Variants in EHMT2 observed in about 807,000 individuals in gnomAD.
EHMT2 encodes the protein euchromatic histone lysine methyltransferase 2.
EHMT2 carries 59 observed loss-of-function variants against 143.3 expected under a neutral mutation model. That is an observed-to-expected ratio of 0.41 (90% CI 0.33 to 0.51). The LOEUF (loss-of-function observed/expected upper bound fraction) is 0.51. EHMT2 is among the 20% of genes least tolerant of loss of function. The pLI is 0.18. For synonymous variants in EHMT2, 604 were observed against 651.5 expected, an observed-to-expected ratio of 0.93 and a Z score of 1.11; for missense variants, 1,174 against 1,645.9, an observed-to-expected ratio of 0.71 and a Z score of 4.96.
At chr6:31,891,208 G>C (rs566716727) in intron 7 of EHMT2, among the ~76,000 whole-genome samples, 3 of 152,304 alleles carry the variant, frequency 2.0e-5, no homozygotes, top group African/African-American at 7.2e-5. Context: ...GCCTCCCAAA[G>C]TATTGGGATT....
rs1184290277 is a variant in EHMT2, at chr6:31,888,594, C to T, written c.1365+5G>A. The T allele has an allele frequency of 1.9e-6, 3 of 1,612,130 alleles. No individual in the cohort carries two copies. The highest frequency in any genetic ancestry group is 3.3e-5 in the Admixed American group (2 of 59,982). On this transcript the variant is annotated splice_donor_5th_base_variant and intron_variant, in intron 11 of 27. Transcript: ENST00000375537. The surrounding 1 kb of genome is among the most constrained non-coding windows in gnomAD (Gnocchi z 7.4). ...GGCACCTCTCCCACCAGCCCACGGCCCCACCTCTCCGTCCACACTCTCAGT... is the reference window on the plus strand; with the variant it reads ...GGCACCTCTCCCACCAGCCCACGGCTCCACCTCTCCGTCCACACTCTCAGT...
Position 31,883,232 on chromosome 6 carries a change from C to A in EHMT2, c.2994+130G>T. ...CACATCCCAGGATTCCCAGGCCTTG[C>A]CCAGTCCTCTCAGTCACTTCCCCCA... On this transcript the variant is annotated intron_variant, in intron 23 of 27. Transcript: ENST00000375537. The surrounding 1 kb of genome is among the most constrained non-coding windows in gnomAD (Gnocchi z 5.6). The A allele has an allele frequency of 9.5e-7, 1 of 1,049,086 alleles. No individual in the cohort carries two copies. 65.0% of individuals were successfully genotyped at this position (1,049,086 alleles called of 1,614,324 possible).
rs764465087 is a variant in EHMT2 at position 31,888,488 on chromosome 6, C to T, written c.1384G>A (p.Ala462Thr). Reference sequence around the variant, plus strand: ...CTCATGGTCTCCCGCTTGAGGATGGCGGCATTGCAGCCTGACAGCTGTGCG... The same window carrying T: ...CTCATGGTCTCCCGCTTGAGGATGGTGGCATTGCAGCCTGACAGCTGTGCG... Residue 462 changes from alanine (A) to threonine (T), a missense_variant, in exon 12 of 28, where the codon GCC becomes ACC. Ala to Thr is a moderately conservative substitution (Grantham distance 58, BLOSUM62 0). This residue lies in a region of EHMT2 where 608 missense variants were observed against 903.7 expected (regional missense o/e 0.67). Transcript: ENST00000375537. This position sits in a 1 kb window ranked among gnomAD's most constrained non-coding sequence, Gnocchi z 7.4. The T allele has an allele frequency of 3.7e-6, 6 of 1,612,292 alleles. No homozygotes were observed. The highest frequency in any genetic ancestry group is 2.7e-5 in the African/African-American group (2 of 74,892).
In EHMT2 at chr6:31,884,590, G is replaced by T. The variant is rs1764568617; in HGVS notation, c.2604-31C>A. The stretch of plus-strand genomic sequence containing the variant: ...GAGGGGACAGGATGCCCAATGCAGG[G>T]TCTGAGGCTGCAAGAAGTGGGGGCA... On this transcript the variant is annotated intron_variant, in intron 20 of 27. Transcript: ENST00000375537. The surrounding 1 kb of genome is among the most constrained non-coding windows in gnomAD (Gnocchi z 7.3). 6.2e-7 allele frequency: 1 copy of T among 1,609,088 alleles called. No homozygotes were observed.
In EHMT2 at chr6:31,883,334, G is replaced by A. The variant is rs767506334; in HGVS notation, c.2994+28C>T. 7 of 1,610,072 alleles carry A rather than the reference G, an allele frequency of 4.3e-6. No individual in the cohort carries two copies. In the South Asian group the frequency reaches 7.7e-5, roughly 18 times the overall value. On this transcript the variant is annotated intron_variant, in intron 23 of 27. Transcript: ENST00000375537. The surrounding 1 kb of genome is among the most constrained non-coding windows in gnomAD (Gnocchi z 5.6). ...GGCTCCTCTGAAGGAGGGGCCGGGT[G>A]TCTGTGGCCAAGGCAAGGGGCACGC... is the stretch of plus-strand genomic sequence containing the variant.
Position 31,889,721 on chromosome 6 carries a change from G to A in EHMT2, c.865-119C>T. On this transcript the variant is annotated intron_variant, in intron 7 of 27. Coordinates refer to ENST00000375537, the Ensembl canonical transcript of EHMT2. This position sits in a 1 kb window ranked among gnomAD's most constrained non-coding sequence, Gnocchi z 5.1. The stretch of plus-strand genomic sequence containing the variant: ...ACCCACGGATGGCTGCTGGGGATAA[G>A]TGTGGGTAGCAGAGGAGACAAAGGG... The A allele has an allele frequency of 3.8e-6, 5 of 1,306,794 alleles. No homozygotes were observed. Among genetic ancestry groups the A allele is most frequent in the Non-Finnish European group, 5.4e-6 (5 of 925,916 alleles). The allele number at this position is 1,306,794 out of a possible 1,614,324, so 80.9% of individuals were successfully genotyped here.
At chr6:31,893,740 A>C (rs574974254) in intron 4 of EHMT2, 14 of 255,358 alleles carry the variant, frequency 5.5e-5, no homozygotes, top group Non-Finnish European at 1.0e-4. Flanking sequence ...AAGTGAAATA[A>C]GCCAGTCACA....
chr6:31,892,798 G>A, intron 5 of EHMT2, 28 bp downstream of exon 5: 1 of 1,612,056 alleles, frequency 6.2e-7, no homozygotes, highest in Non-Finnish European at 8.5e-7. Flanking sequence ...ACCACATCAA[G>A]CCACCGGGGG....
At chr6:31,897,571 G>C in intron 1 of EHMT2, 65 bp downstream of exon 1, 1 of 1,102,314 alleles carries the variant, frequency 9.1e-7, no homozygotes, top group Non-Finnish European at 1.1e-6. Flanking sequence ...AGCATTGCAC[G>C]GGCGCGCGCT....
At chr6:31,892,496 G>A in exon 7 of EHMT2, 4 of 1,613,044 alleles carry the variant, frequency 2.5e-6, no homozygotes, top group Non-Finnish European at 3.4e-6. Flanking sequence ...CACTCCTCCA[G>A]GGACCCGGGG....
At chr6:31,896,979 G>A in exon 2 of EHMT2, 6 of 1,577,990 alleles carry the variant, frequency 3.8e-6, no homozygotes, top group Non-Finnish European at 4.3e-6. Flanking sequence ...CATCTCAGCG[G>A]GGGCCTCCCC....
intron 5 of EHMT2, 33 bp downstream of exon 5, chr6:31,892,793 A>T: frequency 6.2e-7 from 1 of 1,611,458 alleles, no homozygotes; most frequent in South Asian, 1.1e-5. Context: ...AACAGACCAC[A>T]TCAAGCCACC....
chr6:31,884,355 AGGT>A lies in EHMT2; in HGVS notation c.2771+34_2771+36del. 6.3e-7 allele frequency: 1 copy of A among 1,583,742 alleles called. No individual in the cohort carries two copies. Among genetic ancestry groups the A allele is most frequent in the East Asian group, 2.3e-5 (1 of 44,416 alleles). On this transcript the variant is annotated intron_variant, in intron 21 of 27. Transcript: ENST00000375537. The surrounding 1 kb of genome is among the most constrained non-coding windows in gnomAD (Gnocchi z 7.3). ...CCTGGGGAGGGTATGGGTGGGGAGG[AGGT>A]GGTCTTGGGTGCAGAGAGGGGCCCA...
At chr6:31,891,968 G>A (rs904378819) in intron 7 of EHMT2, among the ~76,000 whole-genome samples, 24 of 152,222 alleles carry the variant, frequency 1.6e-4, no homozygotes, top group African/African-American at 5.3e-4. Flanking sequence ...ACAGCTGGGC[G>A]CGGTGGCTCA....
In EHMT2 at chr6:31,896,673, TGGTGTAGCCCCTACAGG is replaced by T; in HGVS notation, c.244_260del (p.Pro82ThrfsTer5). 1 of 1,604,858 alleles carries T rather than the reference TGGTGTAGCCCCTACAGG, an allele frequency of 6.2e-7. No homozygotes were observed. The highest frequency in any genetic ancestry group is 8.5e-7 in the Non-Finnish European group (1 of 1,176,342). ...GATTCTCAGATTCATCCCCAATGAG[TGGTGTAGCCCCTACAGG>T]GGTGTCAGCCCCCTCATCACCAACA... On this transcript the variant is annotated frameshift_variant, in exon 3 of 28. Transcript: ENST00000375537. LOFTEE classifies it high-confidence loss of function.
At chr6:31,894,250 G>A (rs1450161541) in intron 4 of EHMT2, among the ~76,000 whole-genome samples, 2 of 151,904 alleles carry the variant, frequency 1.3e-5, no homozygotes, top group African/African-American at 4.8e-5. Context: ...GGATTCAAGC[G>A]ATTCTCCTGC....
chr6:31,893,329 C>T, intron 4 of EHMT2: 1 of 441,850 alleles, frequency 2.3e-6, no homozygotes, highest in Non-Finnish European at 4.5e-6. Flanking sequence ...GAAAGATATA[C>T]TTTTTTTAAG....
chr6:31,892,772 G>A (rs369810973), intron 5 of EHMT2, 38 bp from the exon 6 acceptor site: 29 of 1,612,876 alleles, frequency 1.8e-5, no homozygotes, highest in African/African-American at 1.6e-4. Context: ...GCCTATCACC[G>A]AAACCTTCAG....
chr6:31,885,657 T>G (rs1263960829), intron 18 of EHMT2: 1 of 152,282 alleles, frequency 6.6e-6, no homozygotes, highest in Non-Finnish European at 1.5e-5. Context: ...ATTTCGAGGC[T>G]GCAGAGAGCT....
Sources: allele counts gnomAD v4.1 joint callset (sites outside exome capture counted in the v4.1 genomes callset), GRCh38; gene constraint gnomAD v4.1.1; regional missense constraint gnomAD v4.1.1; non-coding constraint Gnocchi (gnomAD v3.1); transcripts MANE v1.5; gene names NCBI Gene and HGNC (gene_info 2026-07-23, HGNC 2026-07-21).